DRICH1: variants seen among roughly 807,000 people sequenced by gnomAD.
The protein encoded by DRICH1 is aspartate rich 1, also known as aspartate-rich protein 1.
Under a neutral mutation model 39.5 loss-of-function variants are expected in DRICH1, and 38 were observed. The ratio of observed to expected loss-of-function variants is 0.96; its 90% CI spans 0.74 to 1.26. The LOEUF is 1.26. Ranked by LOEUF, DRICH1 falls within the 50% of genes most tolerant of loss-of-function variation. DRICH1 has a pLI of 0.00. For synonymous variants in DRICH1, 84 were observed against 99.5 expected (o/e 0.84, Z 0.93); for missense variants, 279 against 270.4 (o/e 1.03, Z -0.22).
At chr22:23,612,415 C>T (rs1480774099) in intron 11 of DRICH1, among the ~76,000 whole-genome samples, 1 of 140,938 alleles carries the variant, frequency 7.1e-6, no homozygotes, top group Admixed American at 7.7e-5. Context: ...TGCAGTGAGC[C>T]GAGATCGCAC....
chr22:23,601,138 GCA>G, the DRICH1 span, among the ~76,000 whole-genome samples: 1 of 140,622 alleles, frequency 7.1e-6, no homozygotes, highest in Admixed American at 7.1e-5. Flanking sequence ...TTGACCTAAC[GCA>G]CGCGCGCACA....
intron 11 of DRICH1, among the ~76,000 whole-genome samples, chr22:23,611,092 G>A (rs1393617830): frequency 2.6e-5 from 4 of 152,040 alleles, no homozygotes; most frequent in Non-Finnish European, 5.9e-5. Flanking sequence ...TGGAGCAATG[G>A]GTAACACCAG....
the DRICH1 span, among the ~76,000 whole-genome samples, chr22:23,588,422 A>G: frequency 3.3e-5 from 5 of 152,214 alleles, no homozygotes; most frequent in Non-Finnish European, 5.9e-5. Context: ...CACTGTGCCC[A>G]GCCCGAGCTC....
At chr22:23,593,049 A>C in the DRICH1 span, among the ~76,000 whole-genome samples, 12 of 151,978 alleles carry the variant, frequency 7.9e-5, no homozygotes, top group South Asian at 4.1e-4. Context: ...GAAAAAAAAA[A>C]CGAAATTATT....
chr22:23,596,306 G>A, the DRICH1 span, among the ~76,000 whole-genome samples: 7 of 152,110 alleles, frequency 4.6e-5, no homozygotes, highest in African/African-American at 1.7e-4. Flanking sequence ...TTGCATCCAG[G>A]CTGGAGTGCA....
chr22:23,603,382 C>T, the DRICH1 span, among the ~76,000 whole-genome samples: 3 of 151,896 alleles, frequency 2.0e-5, no homozygotes, highest in Non-Finnish European at 4.4e-5. Context: ...CCTCCAGGTT[C>T]CTCACCTCCC....
the DRICH1 span, among the ~76,000 whole-genome samples, chr22:23,602,628 T>C: frequency 6.7e-6 from 1 of 149,744 alleles, no homozygotes; most frequent in Admixed American, 6.6e-5. Context: ...GAGGTTGCAG[T>C]GAGCCGAGAT....
At chr22:23,582,581 T>TATTA in the DRICH1 span, among the ~76,000 whole-genome samples, 1 of 150,738 alleles carries the variant, frequency 6.6e-6, no homozygotes, top group Admixed American at 6.6e-5. Flanking sequence ...TTATTATTAT[T>TATTA]TTGAGATGGA....
the DRICH1 span, among the ~76,000 whole-genome samples, chr22:23,588,290 C>T: frequency 7.2e-5 from 11 of 152,262 alleles, no homozygotes; most frequent in Non-Finnish European, 1.2e-4. Flanking sequence ...CCACACCCAG[C>T]TAATTTTTTT....
the DRICH1 span, among the ~76,000 whole-genome samples, chr22:23,600,897 C>G: frequency 6.6e-6 from 1 of 152,024 alleles, no homozygotes; most frequent in Non-Finnish European, 1.5e-5. Context: ...TGGTCTTGAT[C>G]TCCTGACCTC....
At chr22:23,624,489 G>A (rs1927943395) in intron 3 of DRICH1, among the ~76,000 whole-genome samples, 2 of 152,120 alleles carry the variant, frequency 1.3e-5, no homozygotes, top group Admixed American at 1.3e-4. Flanking sequence ...CTCCCAAGCA[G>A]CAGGTATAAC....
At chr22:23,605,979 T>A (rs1273687811), downstream of DRICH1, among the ~76,000 whole-genome samples, 1 of 150,072 alleles carries the variant, frequency 6.7e-6, no homozygotes, top group Non-Finnish European at 1.5e-5. Context: ...GAGGCTGAGG[T>A]AGGAGAATCG....
chr22:23,620,524 GATTAAGGTTCCTAT>G, intron 5 of DRICH1, 56 bp downstream of exon 5: 1 of 1,517,762 alleles, frequency 6.6e-7, no homozygotes, highest in East Asian at 2.3e-5. Flanking sequence ...CAGGAACCCA[GATTAAGGTTCCTAT>G]ATATTAAAGC....
intron 4 of DRICH1, 118 bp from the exon 5 acceptor site, chr22:23,620,733 C>A: frequency 8.1e-7 from 1 of 1,230,912 alleles, no homozygotes; most frequent in South Asian, 1.2e-5. Flanking sequence ...GTTGTTGAGT[C>A]AAGGTCAAAG....
At chr22:23,584,170 C>A in the DRICH1 span, among the ~76,000 whole-genome samples, 1 of 151,910 alleles carries the variant, frequency 6.6e-6, no homozygotes, top group African/African-American at 2.4e-5. Context: ...TCACCTCACC[C>A]CTTCCTGGAC....
chr22:23,602,679 G>T, the DRICH1 span, among the ~76,000 whole-genome samples: 1 of 151,510 alleles, frequency 6.6e-6, no homozygotes, highest in African/African-American at 2.4e-5. Context: ...GTGAGACTGT[G>T]TCTCTAAAAA....
chr22:23,619,986 C>A (rs990567212), intron 5 of DRICH1, among the ~76,000 whole-genome samples: 2 of 152,082 alleles, frequency 1.3e-5, no homozygotes, highest in African/African-American at 4.8e-5. Flanking sequence ...TGTCCCACAC[C>A]AAAGACTCTG....
Position 23,614,972 on chromosome 22 carries a change from A to G in DRICH1, c.542-758T>C, listed in dbSNP as rs139527465. Among the ~76,000 whole-genome samples, 403 of 152,364 alleles carry G rather than the reference A, an allele frequency of 2.6e-3. 1 individual carries two copies. The highest frequency in any genetic ancestry group is 9.3e-3 in the South Asian group (45 of 4,830). On this transcript the variant is annotated intron_variant, in intron 8 of 11. Coordinates refer to ENST00000317749, the MANE Select transcript of DRICH1 (RefSeq NM_016449.4). ...TGAGGATAAGTTTCCAGGTTCAAAT[A>G]TACATTATCTACTGAACTGGGGAAA...
intron 11 of DRICH1, among the ~76,000 whole-genome samples, chr22:23,612,191 CATGGTG>C (rs1476679622): frequency 2.0e-5 from 3 of 152,084 alleles, no homozygotes; most frequent in Non-Finnish European, 4.4e-5. Context: ...CCTGGCCAGG[CATGGTG>C]ATACATGCCT....
Sources: allele counts gnomAD v4.1 joint callset (sites outside exome capture counted in the v4.1 genomes callset), GRCh38; gene constraint gnomAD v4.1.1; transcripts MANE v1.5; gene names NCBI Gene and HGNC (gene_info 2026-07-23, HGNC 2026-07-21).